Variants in BLZF1 observed in about 807,000 individuals in gnomAD.
BLZF1 encodes basic leucine zipper nuclear factor 1, also known as golgin-45.
In BLZF1, 39 loss-of-function variants were observed where a neutral mutation model predicts 43.8. The ratio of observed to expected loss-of-function variants is 0.89; its 90% CI spans 0.69 to 1.16. The LOEUF is 1.16. Ranked by LOEUF, BLZF1 falls within the 50% of genes most tolerant of loss-of-function variation. BLZF1 has a pLI of 0.00. For missense variants in BLZF1, 449 were observed against 469.8 expected, an observed-to-expected ratio of 0.96 and a Z score of 0.41; for synonymous variants, 136 against 159.4, an observed-to-expected ratio of 0.85 and a Z score of 1.11.
At chr1:169,379,338 C>T (rs1654457867) in intron 4 of BLZF1, among the ~76,000 whole-genome samples, 1 of 152,000 alleles carries the variant, frequency 6.6e-6, no homozygotes, top group African/African-American at 2.4e-5. Flanking sequence ...CTTAATATCT[C>T]TGACACTTTG....
intron 5 of BLZF1, among the ~76,000 whole-genome samples, chr1:169,381,670 T>C (rs896323454): frequency 2.6e-5 from 4 of 152,184 alleles, no homozygotes; most frequent in African/African-American, 9.6e-5. Flanking sequence ...GAAAAAGTTT[T>C]ATACATTTTG....
In BLZF1 at chr1:169,376,966, G is replaced by T. The variant is rs369684533; in HGVS notation, c.455G>T (p.Arg152Leu). Residue 152 changes from arginine to leucine, a missense_variant, in exon 3 of 7, where the codon CGT becomes CTT. By Grantham distance (102) the Arg-to-Leu change is moderately radical. Transcript: ENST00000367808. ...AAAGAAGGTCTTTCAAACCAGCTCC[G>T]TGTACAGACAGAGGTAAGAAGAGCC... ...QDKEGLSNQL[R>L]VQTEVNRELK... 3 of 1,612,552 alleles carry T rather than the reference G, an allele frequency of 1.9e-6. No individual in the cohort carries two copies. The highest frequency in any genetic ancestry group is 3.3e-5 in the Admixed American group (2 of 59,774).
At chr1:169,380,207 G>A (rs1022210731) in intron 4 of BLZF1, among the ~76,000 whole-genome samples, 2 of 151,860 alleles carry the variant, frequency 1.3e-5, no homozygotes, top group Non-Finnish European at 2.9e-5. Context: ...TCTAGAGTAA[G>A]ATTGAGATGT....
intron 6 of BLZF1, among the ~76,000 whole-genome samples, chr1:169,383,888 TC>T (rs1654596767): frequency 6.6e-6 from 1 of 152,180 alleles, no homozygotes; most frequent in East Asian, 1.9e-4. Context: ...CTGTGACCCC[TC>T]TTGAGCTTTC....
chr1:169,396,123 T>G (rs1250378869), exon 8 of BLZF1: 2 of 152,200 alleles, frequency 1.3e-5, no homozygotes, highest in Admixed American at 6.5e-5. Context: ...TAAATACATG[T>G]ACAGACAAAT....
At chr1:169,369,714 T>C (rs544579418) in intron 2 of BLZF1, among the ~76,000 whole-genome samples, 164 bp downstream of exon 2, 2 of 148,712 alleles carry the variant, frequency 1.3e-5, no homozygotes, top group African/African-American at 2.6e-5. Flanking sequence ...TTCAGTACTT[T>C]AGATGTACAA....
chr1:169,386,289 T>C (rs528177366), intron 6 of BLZF1, among the ~76,000 whole-genome samples: 2 of 152,278 alleles, frequency 1.3e-5, no homozygotes, highest in East Asian at 1.9e-4. Context: ...TTTTGAAATA[T>C]CGTTTCCATA....
intron 2 of BLZF1, among the ~76,000 whole-genome samples, chr1:169,370,629 T>G (rs945638112): frequency 6.6e-6 from 1 of 152,246 alleles, no homozygotes; most frequent in Admixed American, 6.5e-5. Flanking sequence ...TAGGCAAATA[T>G]GGCGAGTAGC....
At chr1:169,391,415 A>C (rs760244334), downstream of BLZF1, among the ~76,000 whole-genome samples, 1 of 152,154 alleles carries the variant, frequency 6.6e-6, no homozygotes, top group Non-Finnish European at 1.5e-5. Context: ...TCTCCTTGCA[A>C]GCCACTGGCC....
chr1:169,390,139 A>G (rs752849321), downstream of BLZF1, among the ~76,000 whole-genome samples: 3 of 152,198 alleles, frequency 2.0e-5, no homozygotes, highest in Admixed American at 6.5e-5. Context: ...AAAATTATAT[A>G]CACTTTTGTA....
chr1:169,380,951 CT>C, intron 5 of BLZF1, among the ~76,000 whole-genome samples: 1 of 152,154 alleles, frequency 6.6e-6, no homozygotes, highest in East Asian at 1.9e-4. Context: ...GGAAAGAGAT[CT>C]TTTTGAAGAC....
At chr1:169,395,954 T>C (rs1346154469) in exon 8 of BLZF1, 5 of 151,952 alleles carry the variant, frequency 3.3e-5, no homozygotes, top group Non-Finnish European at 5.9e-5. Context: ...CATAATCTGA[T>C]GATATGTGGT....
At chr1:169,377,167 TA>T (rs1654385502) in intron 3 of BLZF1, 188 bp downstream of exon 3, 2 of 612,140 alleles carry the variant, frequency 3.3e-6, no homozygotes, top group African/African-American at 3.7e-5. Context: ...ATTGGGAACT[TA>T]TACTCTAAAC....
chr1:169,389,984 A>G (rs182667338), downstream of BLZF1, among the ~76,000 whole-genome samples: 349 of 152,330 alleles, frequency 2.3e-3, 1 homozygote, highest in Non-Finnish European at 3.4e-3. Flanking sequence ...GTATAGAATT[A>G]GAGATTGGGA....
intron 7 of BLZF1, chr1:169,395,781 A>G (rs1248347178): frequency 6.6e-6 from 1 of 152,174 alleles, no homozygotes; most frequent in African/African-American, 2.4e-5. Context: ...TAGCAAAAAT[A>G]ACTGCATATA....
intron 6 of BLZF1, among the ~76,000 whole-genome samples, chr1:169,383,907 A>G (rs1164335885): frequency 6.6e-6 from 1 of 152,096 alleles, no homozygotes; most frequent in East Asian, 1.9e-4. Context: ...TTCTTTACAT[A>G]ACATACTTTC....
chr1:169,368,619 G>C (rs968659067), intron 1 of BLZF1, among the ~76,000 whole-genome samples: 4 of 152,186 alleles, frequency 2.6e-5, no homozygotes, highest in African/African-American at 7.2e-5. Context: ...CGCTGTGCCT[G>C]TACGTTTCGC....
downstream of BLZF1, among the ~76,000 whole-genome samples, chr1:169,389,486 TG>T (rs2102023520): frequency 6.6e-6 from 1 of 152,280 alleles, no homozygotes; most frequent in South Asian, 2.1e-4. Context: ...ATGTCAAAGA[TG>T]TGGAGAAATT....
intron 6 of BLZF1, among the ~76,000 whole-genome samples, chr1:169,386,735 G>T (rs1039191452): frequency 6.7e-6 from 1 of 150,334 alleles, no homozygotes; most frequent in Non-Finnish European, 1.5e-5. Context: ...ATGTTTTCCT[G>T]CTTTCCTACC....
Sources: gnomAD v4.1 joint callset for allele counts (sites outside exome capture counted in the v4.1 genomes callset) on GRCh38, gnomAD v4.1.1 for gene constraint, MANE v1.5 for transcripts, NCBI Gene and HGNC (gene_info 2026-07-23, HGNC 2026-07-21) for gene names.